The following SNX3 variants were observed in gnomAD, a reference collection of about 807,000 sequenced individuals.
The protein encoded by SNX3 is sorting nexin 3, also known as sorting nexin-3.
A neutral mutation model predicts 17.7 loss-of-function variants in SNX3; 5 were observed. The ratio of observed to expected loss-of-function variants is 0.28; its 90% confidence interval spans 0.15 to 0.59. The LOEUF is 0.59. SNX3 is among the 20% of genes least tolerant of loss of function. The pLI is 0.88. For synonymous variants in SNX3, 91 were observed against 76.5 expected, an observed-to-expected ratio of 1.19 and a Z score of -0.99; for missense variants, 132 against 206.8, an observed-to-expected ratio of 0.64 and a Z score of 2.22.
rs571666878 is a variant in SNX3 at position 108,243,762 on chromosome 6, G to A, written c.162+16998C>T. On this transcript the variant is annotated intron_variant, in intron 1 of 3. Coordinates refer to ENST00000230085, the MANE Select transcript of SNX3 (RefSeq NM_003795.6). ...AGCCTGGTCAACATGGTGAATCTCC[G>A]TCTCTACTGCAAATACAAAAACCAG... Among the ~76,000 whole-genome samples, 17 of 152,124 alleles carry A rather than the reference G, an allele frequency of 1.1e-4. No homozygotes were observed. In the East Asian group the frequency reaches 1.9e-3, roughly 17 times the overall value.
At chr6:108,253,060 C>A (rs991269351) in intron 1 of SNX3, among the ~76,000 whole-genome samples, 1 of 152,076 alleles carries the variant, frequency 6.6e-6, no homozygotes, top group Non-Finnish European at 1.5e-5. Context: ...TAACATGGTA[C>A]AAACATCAAA....
chr6:108,214,951 T>C lies in SNX3; in HGVS notation c.259-329A>G, dbSNP rs1488931733. ...GCCCCTCAGACACTTGTGATGCCACTTGGAGAAGGCAATGCCTTATTGCAA... is the reference window on the plus strand; with the variant it reads ...GCCCCTCAGACACTTGTGATGCCACCTGGAGAAGGCAATGCCTTATTGCAA... On this transcript the variant is annotated intron_variant, in intron 2 of 3. Coordinates refer to ENST00000230085, the MANE Select transcript of SNX3 (RefSeq NM_003795.6). Among the ~76,000 whole-genome samples the C allele has an allele frequency of 3.3e-5, 5 of 152,208 alleles. No homozygotes were observed. In the East Asian group the frequency reaches 5.8e-4, roughly 18 times the overall value.
intron 1 of SNX3, among the ~76,000 whole-genome samples, chr6:108,246,819 C>T (rs1775706954): frequency 6.6e-6 from 1 of 152,026 alleles, no homozygotes; most frequent in Admixed American, 6.6e-5. Flanking sequence ...ACGATCCTCC[C>T]ACTTCTGCCT....
At chr6:108,243,958 G>A (rs1351992106) in intron 1 of SNX3, among the ~76,000 whole-genome samples, 1 of 152,058 alleles carries the variant, frequency 6.6e-6, no homozygotes, top group Non-Finnish European at 1.5e-5. Flanking sequence ...AAAAGTGAAA[G>A]GACAGAAAAT....
intron 1 of SNX3, among the ~76,000 whole-genome samples, chr6:108,251,626 G>A (rs1479432157): frequency 1.3e-5 from 2 of 151,978 alleles, no homozygotes; most frequent in Non-Finnish European, 2.9e-5. Flanking sequence ...TCCATGTGGA[G>A]AAAAAAACCA....
At chr6:108,255,575 C>T (rs987419459) in intron 1 of SNX3, among the ~76,000 whole-genome samples, 10 of 152,168 alleles carry the variant, frequency 6.6e-5, no homozygotes, top group African/African-American at 2.2e-4. Context: ...TGTGTGGCAA[C>T]GCCTGAGCTC....
intron 3 of SNX3, 152 bp downstream of exon 3, chr6:108,214,346 T>C (rs1458615248): frequency 9.3e-6 from 6 of 644,678 alleles, no homozygotes; most frequent in Non-Finnish European, 1.3e-5. Context: ...TCACATGATA[T>C]TCAACTTGTC....
chr6:108,243,717 G>A (rs149026039), intron 1 of SNX3, among the ~76,000 whole-genome samples: 61 of 152,282 alleles, frequency 4.0e-4, no homozygotes, highest in African/African-American at 1.4e-3. Context: ...TGGATCACCT[G>A]AGGTCGAGAG....
At chr6:108,219,745 T>A (rs1252177599) in intron 2 of SNX3, among the ~76,000 whole-genome samples, 2 of 152,246 alleles carry the variant, frequency 1.3e-5, no homozygotes, top group Non-Finnish European at 2.9e-5. Flanking sequence ...GCTATTTTTG[T>A]TATGAACTAA....
chr6:108,237,957 C>T (rs1380183575), intron 1 of SNX3, among the ~76,000 whole-genome samples: 1 of 151,484 alleles, frequency 6.6e-6, no homozygotes, highest in Non-Finnish European at 1.5e-5. Context: ...ATTAGCCCGG[C>T]ATGGTGGCAC....
intron 1 of SNX3, among the ~76,000 whole-genome samples, chr6:108,259,309 C>T (rs1040395041): frequency 2.0e-5 from 3 of 152,234 alleles, no homozygotes; most frequent in African/African-American, 7.2e-5. Flanking sequence ...TCTAGGCTCA[C>T]GGCAACCTCT....
intron 1 of SNX3, among the ~76,000 whole-genome samples, chr6:108,250,850 T>A (rs1203621748): frequency 2.0e-5 from 3 of 152,130 alleles, no homozygotes; most frequent in African/African-American, 7.2e-5. Flanking sequence ...ACAGAACAAA[T>A]AATTATCAAA....
In SNX3 at chr6:108,260,874, C is replaced by T. The variant is rs1291730990; in HGVS notation, c.48G>A (p.Gln16=). The change falls in exon 1 of 4, where the codon CAG becomes CAA. Residue 16 remains glutamine, a synonymous_variant. Transcript: ENST00000230085. ...GGGGTCCGTAGGCGTCATTCAGGTT[C>T]TGCGGCTTGGTGATCAGCCGCCGGG... ...ADTRRLITKP[Q]NLNDAYGPPS... 6.2e-7 allele frequency: 1 copy of T among 1,612,138 alleles called. No homozygotes were observed. Among genetic ancestry groups the T allele is most frequent in the South Asian group, 1.1e-5 (1 of 91,044 alleles).
At position 108,260,886 on chromosome 6, in the gene SNX3, G is replaced by A. The variant is rs754018575; in HGVS notation, c.36C>T (p.Ile12=). Residue 12 remains isoleucine (I), a synonymous_variant, in exon 1 of 4, where the codon ATC becomes ATT. Coordinates refer to ENST00000230085, the MANE Select transcript of SNX3 (RefSeq NM_003795.6). ...AETVADTRRL[I]TKPQNLNDAY... ...CGTCATTCAGGTTCTGCGGCTTGGTGATCAGCCGCCGGGTGTCAGCCACGG... is the reference window on the plus strand; with the variant it reads ...CGTCATTCAGGTTCTGCGGCTTGGTAATCAGCCGCCGGGTGTCAGCCACGG... 5 of 1,610,514 alleles carry A rather than the reference G, an allele frequency of 3.1e-6. No homozygotes were observed. Among genetic ancestry groups the A allele is most frequent in the Non-Finnish European group, 4.2e-6 (5 of 1,178,388 alleles).
At chr6:108,221,532 C>CCTTT (rs1554261012) in intron 2 of SNX3, among the ~76,000 whole-genome samples, 1 of 57,744 alleles carries the variant, frequency 1.7e-5, no homozygotes, top group East Asian at 7.1e-4. Flanking sequence ...CAGTATTACA[C>CCTTT]TTTTTTTTTT....
chr6:108,258,202 G>A (rs1417481315), intron 1 of SNX3, among the ~76,000 whole-genome samples: 1 of 152,122 alleles, frequency 6.6e-6, no homozygotes, highest in Non-Finnish European at 1.5e-5. Flanking sequence ...GCTCATGCCT[G>A]TAATCCCAGC....
At chr6:108,253,456 A>G (rs1340439447) in intron 1 of SNX3, among the ~76,000 whole-genome samples, 2 of 148,126 alleles carry the variant, frequency 1.4e-5, no homozygotes, top group Non-Finnish European at 3.0e-5. Flanking sequence ...GGATATAGAC[A>G]TGGATGATGC....
At chr6:108,223,899 A>G (rs1421918708) in intron 1 of SNX3, among the ~76,000 whole-genome samples, 1 of 152,162 alleles carries the variant, frequency 6.6e-6, no homozygotes, top group Non-Finnish European at 1.5e-5. Flanking sequence ...ATTTACATAA[A>G]TGTAGGTCAT....
intron 1 of SNX3, among the ~76,000 whole-genome samples, chr6:108,251,065 C>T (rs1203835362): frequency 6.6e-6 from 1 of 151,572 alleles, no homozygotes; most frequent in Non-Finnish European, 1.5e-5. Flanking sequence ...TTTAAGCAGC[C>T]TTGGAAGGAA....
Sources: allele counts gnomAD v4.1 joint callset (sites outside exome capture counted in the v4.1 genomes callset), GRCh38; gene constraint gnomAD v4.1.1; transcripts MANE v1.5; gene names NCBI Gene and HGNC (gene_info 2026-07-23, HGNC 2026-07-21).